ZCCHC7: variants seen among roughly 807,000 people sequenced by gnomAD.
ZCCHC7 encodes zinc finger CCHC domain-containing protein 7.
Under a neutral mutation model 52.0 loss-of-function variants are expected in ZCCHC7, and 35 were observed. The ratio of observed to expected loss-of-function variants is 0.67; its 90% CI spans 0.51 to 0.89. ZCCHC7 has a LOEUF of 0.89. ZCCHC7 is among the 40% of genes least tolerant of loss of function. The pLI, the probability that ZCCHC7 is intolerant of heterozygous loss-of-function variation, is 0.00. For missense variants in ZCCHC7, 574 were observed against 649.1 expected, an observed-to-expected ratio of 0.88 and a Z score of 1.26; for synonymous variants, 217 against 221.5, an observed-to-expected ratio of 0.98 and a Z score of 0.18.
intron 2 of ZCCHC7, among the ~76,000 whole-genome samples, chr9:37,141,287 A>G (rs1247794510): frequency 6.6e-6 from 1 of 150,670 alleles, no homozygotes; most frequent in Non-Finnish European, 1.5e-5. Flanking sequence ...TTGCTAAAGA[A>G]AAAGGGGAAT....
At chr9:37,294,995 T>C (rs1828716681) in intron 2 of ZCCHC7, among the ~76,000 whole-genome samples, 1 of 152,196 alleles carries the variant, frequency 6.6e-6, no homozygotes, top group African/African-American at 2.4e-5. Context: ...ATTAATTAAT[T>C]CAGTAAATAT....
chr9:37,267,777 G>A (rs939839707), intron 2 of ZCCHC7, among the ~76,000 whole-genome samples: 47 of 152,068 alleles, frequency 3.1e-4, no homozygotes, highest in African/African-American at 1.1e-3. Context: ...CACCGTGTTA[G>A]CCAGGATGGT....
intron 2 of ZCCHC7, among the ~76,000 whole-genome samples, chr9:37,148,404 A>C (rs1843534370): frequency 6.6e-6 from 1 of 152,098 alleles, no homozygotes; most frequent in African/African-American, 2.4e-5. Flanking sequence ...GTGTCAGGGG[A>C]GATAAGGATA....
chr9:37,295,296 C>T (rs1828734874), intron 2 of ZCCHC7, among the ~76,000 whole-genome samples: 1 of 151,968 alleles, frequency 6.6e-6, no homozygotes, highest in Admixed American at 6.6e-5. Flanking sequence ...ACATTGGGAC[C>T]AGGAAAATGA....
At chr9:37,287,139 A>T (rs1223793263) in intron 2 of ZCCHC7, among the ~76,000 whole-genome samples, 2 of 145,118 alleles carry the variant, frequency 1.4e-5, no homozygotes, top group Non-Finnish European at 3.0e-5. Flanking sequence ...TAGCAGTCCT[A>T]CTGCCTCAGC....
chr9:37,134,018 C>T (rs114411479), intron 2 of ZCCHC7, among the ~76,000 whole-genome samples: 5,303 of 152,212 alleles, frequency 0.035, 308 homozygotes, highest in African/African-American at 0.12. Context: ...GCCACCGTGC[C>T]CGACTGAAAC....
intron 5 of ZCCHC7, among the ~76,000 whole-genome samples, chr9:37,317,903 A>G (rs1009777128): frequency 6.8e-6 from 1 of 147,260 alleles, no homozygotes; most frequent in Non-Finnish European, 1.5e-5. Context: ...TTGGCAGACC[A>G]TGGTTTGGGA....
At chr9:37,233,562 A>G (rs1004385773) in intron 2 of ZCCHC7, among the ~76,000 whole-genome samples, 1 of 152,208 alleles carries the variant, frequency 6.6e-6, no homozygotes. Context: ...CTCTTTAAGA[A>G]CTGATTCTGT....
intron 2 of ZCCHC7, among the ~76,000 whole-genome samples, chr9:37,157,182 A>G (rs914777256): frequency 6.9e-6 from 1 of 145,678 alleles, no homozygotes; most frequent in African/African-American, 2.6e-5. Context: ...ATTCTTCACC[A>G]TCACAAACTT....
chr9:37,355,623 A>G (rs1241391845), intron 8 of ZCCHC7, among the ~76,000 whole-genome samples: 2 of 152,190 alleles, frequency 1.3e-5, no homozygotes, highest in African/African-American at 4.8e-5. Context: ...ATCCCTGGAT[A>G]TTGGTTCCAG....
At chr9:37,132,274 A>G (rs897690981) in intron 2 of ZCCHC7, among the ~76,000 whole-genome samples, 7 of 152,336 alleles carry the variant, frequency 4.6e-5, no homozygotes, top group African/African-American at 7.2e-5. Context: ...CAATAAAGCC[A>G]TAATAGCTAC....
At chr9:37,222,290 A>G (rs1481653546) in intron 2 of ZCCHC7, among the ~76,000 whole-genome samples, 1 of 151,402 alleles carries the variant, frequency 6.6e-6, no homozygotes, top group Non-Finnish European at 1.5e-5. Context: ...TTAAGATAAC[A>G]TAGAACAGGC....
At chr9:37,266,457 T>G (rs1827111836) in intron 2 of ZCCHC7, among the ~76,000 whole-genome samples, 1 of 152,224 alleles carries the variant, frequency 6.6e-6, no homozygotes, top group African/African-American at 2.4e-5. Flanking sequence ...AGTTAATGCT[T>G]TAGGGTAAAA....
At chr9:37,348,393 T>TCTTTC (rs1564271303) in intron 6 of ZCCHC7, among the ~76,000 whole-genome samples, 7 of 147,514 alleles carry the variant, frequency 4.7e-5, no homozygotes, top group South Asian at 4.3e-4. Context: ...TTTCTTTCTT[T>TCTTTC]TTTGACATGG....
intron 2 of ZCCHC7, among the ~76,000 whole-genome samples, chr9:37,252,646 G>A (rs901263972): frequency 1.3e-5 from 2 of 152,152 alleles, no homozygotes; most frequent in African/African-American, 4.8e-5. Flanking sequence ...AAGGTGAAAT[G>A]ATAATAACTT....
intron 2 of ZCCHC7, among the ~76,000 whole-genome samples, chr9:37,253,906 C>T (rs1411056008): frequency 6.6e-6 from 1 of 151,876 alleles, no homozygotes; most frequent in African/African-American, 2.4e-5. Flanking sequence ...TATATATGCA[C>T]TTATAATTTT....
intron 2 of ZCCHC7, among the ~76,000 whole-genome samples, chr9:37,300,115 C>T (rs1336118992): frequency 6.6e-6 from 1 of 152,134 alleles, no homozygotes; most frequent in African/African-American, 2.4e-5. Context: ...TTTTTGAATC[C>T]CACAGGATTG....
chr9:37,159,491 G>A (rs1322732659), intron 2 of ZCCHC7, among the ~76,000 whole-genome samples: 1 of 152,160 alleles, frequency 6.6e-6, no homozygotes, highest in Non-Finnish European at 1.5e-5. Context: ...TGAACTCAAA[G>A]TGGTAGAAGC....
chr9:37,332,817 A>C (rs1830503388), intron 6 of ZCCHC7, among the ~76,000 whole-genome samples: 1 of 151,664 alleles, frequency 6.6e-6, no homozygotes, highest in Non-Finnish European at 1.5e-5. Context: ...AGGGGGAAAA[A>C]TGAATGTTGT....
Sources: allele counts gnomAD v4.1 joint callset (sites outside exome capture counted in the v4.1 genomes callset), GRCh38; gene constraint gnomAD v4.1.1; transcripts MANE v1.5; gene names NCBI Gene and HGNC (gene_info 2026-07-23, HGNC 2026-07-21).